Variants in APBB1IP observed in about 807,000 individuals in gnomAD.
The protein encoded by APBB1IP is amyloid beta A4 precursor protein-binding family B member 1-interacting protein.
In APBB1IP, 27 loss-of-function variants were observed where a neutral mutation model predicts 64.9. That is an observed-to-expected ratio of 0.42 (90% confidence interval 0.31 to 0.57). APBB1IP has a LOEUF of 0.57. APBB1IP is among the 20% of genes least tolerant of loss of function. The pLI, the probability that APBB1IP is intolerant of heterozygous loss-of-function variation, is 0.20. For missense variants in APBB1IP, 812 were observed against 845.5 expected, an observed-to-expected ratio of 0.96 and a Z score of 0.49; for synonymous variants, 392 against 331.0, an observed-to-expected ratio of 1.18 and a Z score of -2.00.
chr10:26,511,982 C>T (rs1588595915), intron 7 of APBB1IP, 76 bp downstream of exon 7: 1 of 1,452,314 alleles, frequency 6.9e-7, no homozygotes, highest in East Asian at 2.3e-5. Flanking sequence ...TGGGTTTATT[C>T]TTTTTTTCTC....
chr10:26,557,789 G>A (rs1384382976), intron 11 of APBB1IP, among the ~76,000 whole-genome samples: 1 of 152,202 alleles, frequency 6.6e-6, no homozygotes, highest in African/African-American at 2.4e-5. Context: ...TGAGTCATTA[G>A]AAAGTCTAGC....
rs1359451325 is a variant in APBB1IP at position 26,438,427 on chromosome 10, C to G, written c.-231C>G. 2 of 151,356 alleles carry G rather than the reference C, an allele frequency of 1.3e-5. No homozygotes were observed. Among genetic ancestry groups the G allele is most frequent in the Non-Finnish European group, 2.9e-5 (2 of 67,966 alleles). The allele number at this position is 151,356 out of a possible 1,614,324, so 9.4% of individuals were successfully genotyped here. On this transcript the variant is annotated 5_prime_UTR_variant, in exon 1 of 15. Coordinates refer to ENST00000376236, the MANE Select transcript of APBB1IP (RefSeq NM_019043.4). ...AAATGGTTCCATTCGCCAGGAGACG[C>G]TCCTGAGAGAAGGGCGCGCGCGGCA...
chr10:26,531,052 T>TA (rs1836546475), intron 8 of APBB1IP, among the ~76,000 whole-genome samples: 1 of 152,188 alleles, frequency 6.6e-6, no homozygotes, highest in African/African-American at 2.4e-5. Context: ...CAATAAGAAT[T>TA]ACCAAAAGAA....
At chr10:26,540,056 C>T (rs1197147417) in intron 10 of APBB1IP, among the ~76,000 whole-genome samples, 5 of 152,158 alleles carry the variant, frequency 3.3e-5, no homozygotes, top group Non-Finnish European at 5.9e-5. Context: ...GAGTAAAAAT[C>T]CTTTCAAATG....
Position 26,475,481 on chromosome 10 carries a change from G to A in APBB1IP, c.1-16846G>A, listed in dbSNP as rs374480102. On this transcript the variant is annotated intron_variant, in intron 2 of 14. Coordinates refer to ENST00000376236, the MANE Select transcript of APBB1IP (RefSeq NM_019043.4). ...TGTCAGATGTGCTGTGTGTGTCTAA[G>A]TGTGTGTTCCACCTGTGTTTTTCCT... Among the ~76,000 whole-genome samples, 131 of 152,252 alleles carry A rather than the reference G, an allele frequency of 8.6e-4. 2 individuals carry two copies. In the South Asian group the frequency reaches 0.026, roughly 30 times the overall value.
intron 3 of APBB1IP, among the ~76,000 whole-genome samples, chr10:26,495,658 G>C (rs1202401233): frequency 6.9e-6 from 1 of 144,804 alleles, no homozygotes; most frequent in Non-Finnish European, 1.5e-5. Context: ...TAGTCTCTTG[G>C]ACCTGCCTTC....
rs568646399 is a variant in APBB1IP, at chr10:26,445,127, GAAA to G, written c.-1+6276_-1+6278del. Among the ~76,000 whole-genome samples the G allele has an allele frequency of 5.5e-3, 262 of 47,308 alleles. 7 individuals carry two copies. The highest frequency in any genetic ancestry group is 5.9e-3 in the Admixed American group (22 of 3,708). The allele number at this position is 47,308 out of a possible 152,430, so 31.0% of individuals were successfully genotyped here. Reference sequence around the variant, plus strand: ...AAAAAGAGGAAAAGAAAGAAAGAAAGAAAAGAAAGAAAGAAAGAAAGAAAGAAA... The same window carrying G: ...AAAAAGAGGAAAAGAAAGAAAGAAAGAGAAAGAAAGAAAGAAAGAAAGAAA... On this transcript the variant is annotated intron_variant, in intron 2 of 14. Coordinates refer to ENST00000376236, the MANE Select transcript of APBB1IP (RefSeq NM_019043.4).
intron 2 of APBB1IP, among the ~76,000 whole-genome samples, chr10:26,455,771 G>A (rs1388095745): frequency 1.3e-5 from 2 of 152,188 alleles, no homozygotes; most frequent in East Asian, 3.9e-4. Context: ...TACTTACAGA[G>A]TTACCATATG....
At chr10:26,533,663 C>A in intron 9 of APBB1IP, 138 bp downstream of exon 9, 1 of 481,666 alleles carries the variant, frequency 2.1e-6, no homozygotes, top group South Asian at 4.4e-5. Context: ...CAAATTATTT[C>A]TAAATTATAG....
At chr10:26,547,675 C>A (rs1398477420) in intron 11 of APBB1IP, among the ~76,000 whole-genome samples, 1 of 152,140 alleles carries the variant, frequency 6.6e-6, no homozygotes, top group Non-Finnish European at 1.5e-5. Flanking sequence ...GAACCCCTGA[C>A]TTCAGGTGAT....
At chr10:26,488,992 C>G (rs761604333) in intron 2 of APBB1IP, among the ~76,000 whole-genome samples, 1 of 152,196 alleles carries the variant, frequency 6.6e-6, no homozygotes, top group Non-Finnish European at 1.5e-5. Context: ...TCAATGGAAT[C>G]TAGACCTCTC....
chr10:26,519,872 C>T (rs12265119), intron 8 of APBB1IP, among the ~76,000 whole-genome samples: 23,278 of 152,162 alleles, frequency 0.15, 1,843 homozygotes, highest in Middle Eastern at 0.2. Flanking sequence ...TGCCTGCTGA[C>T]CTTAGAGTGA....
intron 2 of APBB1IP, among the ~76,000 whole-genome samples, chr10:26,447,183 C>A (rs1006390977): frequency 2.0e-5 from 3 of 151,050 alleles, no homozygotes; most frequent in East Asian, 3.9e-4. Flanking sequence ...ACCATCCTGG[C>A]TAATACAGTG....
intron 13 of APBB1IP, among the ~76,000 whole-genome samples, chr10:26,561,474 C>T (rs575344371): frequency 2.3e-4 from 34 of 148,872 alleles, no homozygotes; most frequent in African/African-American, 8.4e-4. Context: ...TTTAACAAAG[C>T]TTTGACCACT....
At chr10:26,562,059 A>T (rs1836979361) in intron 13 of APBB1IP, 1 of 351,464 alleles carries the variant, frequency 2.8e-6, no homozygotes, top group Non-Finnish European at 5.4e-6. Context: ...TTTATCAAAT[A>T]CCGTACTCAC....
chr10:26,487,644 C>A (rs12259431), intron 2 of APBB1IP, among the ~76,000 whole-genome samples: 1 of 152,054 alleles, frequency 6.6e-6, no homozygotes, highest in Non-Finnish European at 1.5e-5. Flanking sequence ...GTCACGAGAA[C>A]GCGCTGTTGT....
intron 2 of APBB1IP, among the ~76,000 whole-genome samples, chr10:26,459,498 C>T (rs990342753): frequency 2.0e-5 from 3 of 152,272 alleles, no homozygotes; most frequent in Admixed American, 2.0e-4. Flanking sequence ...TTCTAGATCC[C>T]TGAGGAATCA....
chr10:26,442,168 T>C (rs924233660), intron 2 of APBB1IP, among the ~76,000 whole-genome samples: 5 of 152,210 alleles, frequency 3.3e-5, no homozygotes, highest in African/African-American at 1.2e-4. Context: ...TCAGGGTCCC[T>C]GGTCTCCCCA....
intron 2 of APBB1IP, among the ~76,000 whole-genome samples, chr10:26,457,400 A>G (rs1437691226): frequency 3.3e-5 from 5 of 152,196 alleles, no homozygotes; most frequent in Non-Finnish European, 5.9e-5. Flanking sequence ...TCCGCCTTCC[A>G]AAGTGCCAGG....
Sources: allele counts gnomAD v4.1 joint callset (sites outside exome capture counted in the v4.1 genomes callset), GRCh38; gene constraint gnomAD v4.1.1; transcripts MANE v1.5; gene names NCBI Gene and HGNC (gene_info 2026-07-23, HGNC 2026-07-21).